Variants in CCDC33 observed in about 807,000 individuals in gnomAD.
CCDC33 encodes the protein coiled-coil domain-containing protein 33.
Under a neutral mutation model 91.9 loss-of-function variants are expected in CCDC33, and 94 were observed. The observed-to-expected ratio is 1.02, with a 90% CI of 0.87 to 1.21. The LOEUF is 1.21. Ranked by LOEUF, CCDC33 falls within the 50% of genes most tolerant of loss-of-function variation. The pLI, the probability that CCDC33 is intolerant of heterozygous loss-of-function variation, is 0.00. For missense variants in CCDC33, 940 were observed against 935.5 expected (o/e 1.00, Z -0.06); for synonymous variants, 396 against 374.5 (o/e 1.06, Z -0.66).
chr15:74,289,528 AC>A (rs1384188866), intron 10 of CCDC33, among the ~76,000 whole-genome samples: 1 of 152,344 alleles, frequency 6.6e-6, no homozygotes, highest in East Asian at 1.9e-4. Flanking sequence ...AGCCCGGGCA[AC>A]ATGGCAAAAC....
intron 3 of CCDC33, among the ~76,000 whole-genome samples, chr15:74,265,898 C>T (rs1673582721): frequency 6.6e-6 from 1 of 152,160 alleles, no homozygotes. Context: ...GTGGCGGGCA[C>T]CTGTAATCCC....
chr15:74,335,847 T>A, intron 18 of CCDC33, 78 bp from the exon 19 acceptor site: 1 of 1,099,978 alleles, frequency 9.1e-7, no homozygotes, highest in Non-Finnish European at 1.4e-6. Context: ...GAGGCCTGGT[T>A]TGTCAGGCAA....
At chr15:74,276,620 C>T (rs1477176838) in intron 7 of CCDC33, among the ~76,000 whole-genome samples, 1 of 152,204 alleles carries the variant, frequency 6.6e-6, no homozygotes, top group Admixed American at 6.5e-5. Context: ...CCTGGGCCCC[C>T]TGTTACTATC....
At chr15:74,223,641 C>T (rs1057081113) in intron 2 of CCDC33, among the ~76,000 whole-genome samples, 1 of 151,854 alleles carries the variant, frequency 6.6e-6, no homozygotes, top group Non-Finnish European at 1.5e-5. Context: ...ACTCCCAGCC[C>T]CCACCCTCTG....
Position 74,281,821 on chromosome 15 carries a change from C to T in CCDC33, c.1067C>T (p.Ala356Val). 6.2e-7 allele frequency: 1 copy of T among 1,614,094 alleles called. No individual in the cohort carries two copies. Among genetic ancestry groups the T allele is most frequent in the Non-Finnish European group, 8.5e-7 (1 of 1,179,980 alleles). ...KTINDEAPTV[A>V]LSFQLLSSER... ...ATCAATGATGAGGCCCCCACAGTGG[C>T]TCTCTCCTTCCAGCTGCTTTCCTCT... Residue 356 changes from alanine (A) to valine (V), a missense_variant, in exon 10 of 19, where the codon GCT becomes GTT. Ala to Val is a moderately conservative substitution (Grantham distance 64). Transcript: ENST00000398814.
At chr15:74,262,998 A>AGACCAAG in intron 3 of CCDC33, among the ~76,000 whole-genome samples, 1 of 152,342 alleles carries the variant, frequency 6.6e-6, no homozygotes. Context: ...CTTAAGCTTA[A>AGACCAAG]GACCAAGGAC....
chr15:74,221,996 A>G (rs566951079), intron 2 of CCDC33, among the ~76,000 whole-genome samples: 18 of 152,282 alleles, frequency 1.2e-4, no homozygotes, highest in Non-Finnish European at 2.2e-4. Flanking sequence ...GGTGCTGGAC[A>G]GAGCACCCCG....
upstream of CCDC33, among the ~76,000 whole-genome samples, chr15:74,234,063 C>A (rs2075067852): frequency 6.6e-6 from 1 of 152,212 alleles, no homozygotes; most frequent in Non-Finnish European, 1.5e-5. Context: ...CATGAGGAAG[C>A]AGGGCTGACT....
intron 2 of CCDC33, among the ~76,000 whole-genome samples, chr15:74,209,858 G>T (rs1034749605): frequency 6.6e-6 from 1 of 152,222 alleles, no homozygotes; most frequent in Non-Finnish European, 1.5e-5. Context: ...GGGCCAAGAA[G>T]CGGGGCCCTA....
Position 74,316,859 on chromosome 15 carries a change from C to T in CCDC33, c.1291-13330C>T, listed in dbSNP as rs2060097392. Among the ~76,000 whole-genome samples, 2 of 152,180 alleles carry T rather than the reference C, an allele frequency of 1.3e-5. No individual in the cohort carries two copies. Among genetic ancestry groups the T allele is most frequent in the Admixed American group, 6.5e-5 (1 of 15,278 alleles). ...CCCCAACAGCGTTATGAGATGGGCA[C>T]AGTGATGCACTCCATTTTACAGAGG... is the stretch of plus-strand genomic sequence containing the variant. On this transcript the variant is annotated intron_variant, in intron 11 of 18. Coordinates refer to ENST00000398814, the MANE Select transcript of CCDC33 (RefSeq NM_025055.5). This position sits in a 1 kb window ranked among gnomAD's most constrained non-coding sequence, Gnocchi z 4.7.
At chr15:74,278,609 G>A (rs117356244) in intron 7 of CCDC33, among the ~76,000 whole-genome samples, 8 of 152,218 alleles carry the variant, frequency 5.3e-5, no homozygotes, top group South Asian at 2.1e-4. Flanking sequence ...CATTTCAGGC[G>A]TCCTCTGCAC....
upstream of CCDC33, among the ~76,000 whole-genome samples, chr15:74,215,726 C>G (rs1490504770): frequency 2.0e-5 from 3 of 151,820 alleles, no homozygotes; most frequent in East Asian, 5.8e-4. Flanking sequence ...GGAGGTTAGC[C>G]GGGCGTGGTG....
chr15:74,204,499 C>CA (rs2074211180), intron 1 of CCDC33, among the ~76,000 whole-genome samples: 1 of 152,240 alleles, frequency 6.6e-6, no homozygotes, highest in African/African-American at 2.4e-5. Context: ...TCAGGGGTCT[C>CA]AGACTGTTAC....
At chr15:74,279,936 C>T (rs1271376334) in intron 7 of CCDC33, 27 bp from the exon 8 acceptor site, 1 of 1,606,784 alleles carries the variant, frequency 6.2e-7, no homozygotes, top group Admixed American at 1.7e-5. Flanking sequence ...GTGGCCCCCA[C>T]CACCTGCTCC....
intron 15 of CCDC33, among the ~76,000 whole-genome samples, chr15:74,332,238 C>T (rs533106744): frequency 1.3e-5 from 2 of 152,122 alleles, no homozygotes; most frequent in Admixed American, 6.5e-5. Context: ...TAGCCTTCAC[C>T]GCTGAGGGTC....
chr15:74,233,562 C>A (rs1174934317), upstream of CCDC33, among the ~76,000 whole-genome samples: 2 of 152,206 alleles, frequency 1.3e-5, no homozygotes, highest in African/African-American at 4.8e-5. Flanking sequence ...TCTAACTGGG[C>A]CCCTTGAGGC....
chr15:74,268,496 T>TG, intron 5 of CCDC33, 38 bp downstream of exon 5: 3 of 1,214,846 alleles, frequency 2.5e-6, no homozygotes, highest in Admixed American at 2.0e-5. Flanking sequence ...GTGGTGGGGG[T>TG]GGGAAAGGGC....
chr15:74,249,252 C>T (rs1463503005), intron 2 of CCDC33, among the ~76,000 whole-genome samples: 2 of 151,954 alleles, frequency 1.3e-5, no homozygotes, highest in African/African-American at 4.8e-5. Context: ...TTTGGGAGGC[C>T]GAGGCGGATG....
At chr15:74,215,865 C>T (rs1204355926), upstream of CCDC33, among the ~76,000 whole-genome samples, 2 of 127,670 alleles carry the variant, frequency 1.6e-5, no homozygotes, top group Admixed American at 8.3e-5. Context: ...GAGCAAAACT[C>T]GATCTCACCA....
Sources: allele counts gnomAD v4.1 joint callset (sites outside exome capture counted in the v4.1 genomes callset), GRCh38; gene constraint gnomAD v4.1.1; non-coding constraint Gnocchi (gnomAD v3.1); transcripts MANE v1.5; gene names NCBI Gene and HGNC (gene_info 2026-07-23, HGNC 2026-07-21).